KIAA1549L: variants seen among roughly 807,000 people sequenced by gnomAD.
KIAA1549L encodes the protein KIAA1549 like, also known as UPF0606 protein KIAA1549L.
A neutral mutation model predicts 160.7 loss-of-function variants in KIAA1549L; 88 were observed. That is an observed-to-expected ratio of 0.55 (90% CI 0.46 to 0.65). KIAA1549L has a LOEUF of 0.65. KIAA1549L is among the 30% of genes least tolerant of loss of function. KIAA1549L has a pLI of 0.00. For synonymous variants in KIAA1549L, 950 were observed against 976.7 expected (o/e 0.97, Z 0.51); for missense variants, 2,258 against 2,437.5 (o/e 0.93, Z 1.55).
chr11:33,643,969 A>G (rs1022206611), intron 16 of KIAA1549L, among the ~76,000 whole-genome samples: 2 of 152,144 alleles, frequency 1.3e-5, no homozygotes, highest in Admixed American at 6.5e-5. Context: ...AGCTTCTAAG[A>G]GCAGAAGAGC....
At chr11:33,630,921 G>T (rs957215168) in intron 16 of KIAA1549L, among the ~76,000 whole-genome samples, 2 of 152,206 alleles carry the variant, frequency 1.3e-5, no homozygotes, top group Admixed American at 6.5e-5. Flanking sequence ...CCCGTGTGAG[G>T]CTCTGTGGAG....
intron 19 of KIAA1549L, 36 bp downstream of exon 19, chr11:33,658,934 ACTG>A (rs1316900111): frequency 1.1e-5 from 16 of 1,517,232 alleles, no homozygotes; most frequent in Non-Finnish European, 1.4e-5. Context: ...GCCCCCCACC[ACTG>A]CTGCTGTGCC....
At chr11:33,464,530 C>CA (rs575709145) in intron 1 of KIAA1549L, among the ~76,000 whole-genome samples, 4 of 150,904 alleles carry the variant, frequency 2.7e-5, no homozygotes, top group African/African-American at 2.4e-5. Context: ...GCATGCCCCC[C>CA]CCCACACACG....
intron 1 of KIAA1549L, among the ~76,000 whole-genome samples, chr11:33,488,740 A>G (rs1218753382): frequency 6.6e-6 from 1 of 152,220 alleles, no homozygotes; most frequent in Non-Finnish European, 1.5e-5. Flanking sequence ...ATTTAGAACA[A>G]TAGCTTTTAC....
intron 1 of KIAA1549L, among the ~76,000 whole-genome samples, chr11:33,435,804 A>ATGTGTGTGTG: frequency 5.8e-5 from 1 of 17,136 alleles, no homozygotes; most frequent in South Asian, 2.0e-3. Context: ...ATATATATAT[A>ATGTGTGTGTG]TATATATGTG....
intron 1 of KIAA1549L, among the ~76,000 whole-genome samples, chr11:33,451,272 T>A (rs1851715247): frequency 6.6e-6 from 1 of 152,198 alleles, no homozygotes; most frequent in South Asian, 2.1e-4. Context: ...GGTGAATTTA[T>A]TGTCCTAGAA....
chr11:33,616,371 C>T (rs547426754), intron 15 of KIAA1549L, among the ~76,000 whole-genome samples: 1 of 152,260 alleles, frequency 6.6e-6, no homozygotes, highest in African/African-American at 2.4e-5. Flanking sequence ...GAGACTCAGT[C>T]CCACCAGAAC....
At chr11:33,650,446 G>T (rs575569901) in intron 17 of KIAA1549L, among the ~76,000 whole-genome samples, 2 of 152,284 alleles carry the variant, frequency 1.3e-5, no homozygotes, top group Admixed American at 1.3e-4. Flanking sequence ...CAGAAGCTCA[G>T]TCTCAGTTCA....
chr11:33,635,920 T>C (rs1163345031), intron 16 of KIAA1549L, among the ~76,000 whole-genome samples: 2 of 152,212 alleles, frequency 1.3e-5, no homozygotes, highest in Non-Finnish European at 2.9e-5. Context: ...CTACTTACGG[T>C]CAACTATGAT....
intron 10 of KIAA1549L, among the ~76,000 whole-genome samples, chr11:33,582,201 G>A (rs1288492820): frequency 2.0e-5 from 3 of 152,194 alleles, no homozygotes; most frequent in Non-Finnish European, 2.9e-5. Flanking sequence ...GATAAAAACT[G>A]TGGAGAAGAA....
Position 33,502,535 on chromosome 11 carries a change from C to T in KIAA1549L, c.239-39267C>T, listed in dbSNP as rs113151177. Among the ~76,000 whole-genome samples the T allele has an allele frequency of 2.0e-5, 3 of 152,222 alleles. 1 individual carries two copies. Among genetic ancestry groups the T allele is most frequent in the African/African-American group, 7.2e-5 (3 of 41,550 alleles). On this transcript the variant is annotated intron_variant, in intron 1 of 20. Coordinates refer to ENST00000658780, the MANE Select transcript of KIAA1549L (RefSeq NM_012194.3). Reference sequence around the variant, plus strand: ...GCTTATTTCATTGGGTGCCATTTGTCCTGGAGTTTCAGTGTTTTATTTAAA... The same window carrying T: ...GCTTATTTCATTGGGTGCCATTTGTTCTGGAGTTTCAGTGTTTTATTTAAA...
At chr11:33,397,710 TCACACACACACACACACACACACACA>T (rs71034679) in intron 1 of KIAA1549L, among the ~76,000 whole-genome samples, 2 of 142,944 alleles carry the variant, frequency 1.4e-5, no homozygotes, top group Non-Finnish European at 3.0e-5. Context: ...AGACTCCATC[TCACACACACACACACACACACACACA>T]CACACACACA....
At chr11:33,511,071 G>A (rs1853217456) in intron 1 of KIAA1549L, among the ~76,000 whole-genome samples, 2 of 152,206 alleles carry the variant, frequency 1.3e-5, no homozygotes, top group South Asian at 2.1e-4. Context: ...CATGGCGTCA[G>A]TACAGCTAGA....
At chr11:33,414,912 G>A (rs1200968538) in intron 1 of KIAA1549L, among the ~76,000 whole-genome samples, 1 of 151,884 alleles carries the variant, frequency 6.6e-6, no homozygotes, top group Non-Finnish European at 1.5e-5. Context: ...TTGATGTCAG[G>A]ACCTCTTTAT....
rs1554976830 is a variant in KIAA1549L at position 33,435,818 on chromosome 11, G to GTGTGTATATA, written c.238+58930_238+58931insGTGTATATAT. ...TATATATATATATATATATGTGTGT[G>GTGTGTATATA]TATATATATATATGTATATGTATAT... On this transcript the variant is annotated intron_variant, in intron 1 of 20. Coordinates refer to ENST00000658780, the MANE Select transcript of KIAA1549L (RefSeq NM_012194.3). Among the ~76,000 whole-genome samples the GTGTGTATATA allele has an allele frequency of 1.6e-3, 74 of 45,310 alleles. 3 individuals carry two copies. The highest frequency in any genetic ancestry group is 3.1e-3 in the Admixed American group (12 of 3,922). The allele number at this position is 45,310 out of a possible 152,430, so 29.7% of individuals were successfully genotyped here.
At chr11:33,499,849 G>T (rs1008921493) in intron 1 of KIAA1549L, among the ~76,000 whole-genome samples, 1 of 152,198 alleles carries the variant, frequency 6.6e-6, no homozygotes, top group Admixed American at 6.5e-5. Context: ...GAGTGAGAAA[G>T]AAATGGAAAA....
intron 1 of KIAA1549L, among the ~76,000 whole-genome samples, chr11:33,444,266 T>C (rs947227064): frequency 3.3e-5 from 5 of 152,230 alleles, no homozygotes; most frequent in Admixed American, 2.0e-4. Flanking sequence ...AACAATCCAA[T>C]TGAACATCCT....
chr11:33,394,683 C>T (rs958588927), intron 1 of KIAA1549L, among the ~76,000 whole-genome samples: 3 of 152,184 alleles, frequency 2.0e-5, no homozygotes, highest in Non-Finnish European at 4.4e-5. Flanking sequence ...GGTAACAAAC[C>T]AACCCCCAAA....
intron 1 of KIAA1549L, among the ~76,000 whole-genome samples, chr11:33,532,948 T>C (rs1590317179): frequency 6.6e-6 from 1 of 152,174 alleles, no homozygotes; most frequent in Non-Finnish European, 1.5e-5. Context: ...ACCACCACTG[T>C]GGCTGGATTA....
Sources: allele counts gnomAD v4.1 joint callset (sites outside exome capture counted in the v4.1 genomes callset), GRCh38; gene constraint gnomAD v4.1.1; transcripts MANE v1.5; gene names NCBI Gene and HGNC (gene_info 2026-07-23, HGNC 2026-07-21).